Variants in CSMD1 observed in about 807,000 individuals in gnomAD.
CSMD1 encodes the protein CUB and Sushi multiple domains 1, also known as CUB and sushi domain-containing protein 1.
CSMD1 carries 213 observed loss-of-function variants against 417.5 expected under a neutral mutation model. The ratio of observed to expected loss-of-function variants is 0.51; its 90% CI spans 0.46 to 0.57. CSMD1 has a LOEUF of 0.57. Among genes scored for constraint, CSMD1 ranks in the 20% least tolerant of loss-of-function variants. The pLI is 0.00. For synonymous variants in CSMD1, 2,862 were observed against 1,736.8 expected, an observed-to-expected ratio of 1.65 and a Z score of -16.11; for missense variants, 6,923 against 4,529.7, an observed-to-expected ratio of 1.53 and a Z score of -15.17.
intron 11 of CSMD1, among the ~76,000 whole-genome samples, chr8:3,493,409 G>A (rs978322356): frequency 6.6e-6 from 1 of 151,306 alleles, no homozygotes; most frequent in Non-Finnish European, 1.5e-5. Context: ...TTTAATAATT[G>A]AAGAAAAACA....
chr8:4,382,373 G>C (rs147936530), intron 3 of CSMD1, among the ~76,000 whole-genome samples: 3 of 152,306 alleles, frequency 2.0e-5, no homozygotes, highest in African/African-American at 7.2e-5. Context: ...ACATTTCCCA[G>C]ATAATTCCGG....
chr8:4,247,056 A>C (rs563419403), intron 3 of CSMD1, among the ~76,000 whole-genome samples: 39 of 152,200 alleles, frequency 2.6e-4, no homozygotes, highest in Non-Finnish European at 5.7e-4. Flanking sequence ...ATATAAAGTG[A>C]AGAAGACATC....
At chr8:4,438,133 G>T (rs927549450) in intron 2 of CSMD1, among the ~76,000 whole-genome samples, 4 of 152,170 alleles carry the variant, frequency 2.6e-5, no homozygotes, top group South Asian at 2.1e-4. Flanking sequence ...ACTCAGAAAA[G>T]AATTGAGTGT....
rs1168340584 is a variant in CSMD1 at position 3,439,281 on chromosome 8, G to GTATATA, written c.1561+29425_1561+29430dup. Among the ~76,000 whole-genome samples, 116 of 54,312 alleles carry GTATATA rather than the reference G, an allele frequency of 2.1e-3. 2 individuals are homozygous for GTATATA. The highest frequency in any genetic ancestry group is 0.023 in the Middle Eastern group (2 of 88). 35.6% of individuals were successfully genotyped at this position (54,312 alleles called of 152,430 possible). A position where few individuals can be genotyped will look rare whatever the true frequency, so the allele number is the denominator to read the frequency against. On this transcript the variant is annotated intron_variant, in intron 12 of 69. Transcript: ENST00000635120. Reference sequence around the variant, plus strand: ...TATTTGAGAGCATTTGGCAATGTCAGTATATATATATATATATATATATAT... The same window carrying GTATATA: ...TATTTGAGAGCATTTGGCAATGTCAGTATATATATATATATATATATATATATATAT...
intron 7 of CSMD1, among the ~76,000 whole-genome samples, chr8:3,679,907 A>T (rs773757375): frequency 6.6e-6 from 1 of 152,230 alleles, no homozygotes; most frequent in Non-Finnish European, 1.5e-5. Context: ...AACTACTTGG[A>T]AACTGAACAA....
chr8:4,250,732 A>T (rs1307372073), intron 3 of CSMD1, among the ~76,000 whole-genome samples: 4 of 152,190 alleles, frequency 2.6e-5, no homozygotes, highest in Non-Finnish European at 5.9e-5. Flanking sequence ...ATCTAAAGAA[A>T]GTTTGCAAAG....
chr8:3,450,340 T>C (rs1050494701), intron 12 of CSMD1, among the ~76,000 whole-genome samples: 8 of 152,066 alleles, frequency 5.3e-5, no homozygotes, highest in African/African-American at 1.4e-4. Context: ...CTTTCAGTTT[T>C]AGGGTACATG....
intron 23 of CSMD1, among the ~76,000 whole-genome samples, chr8:3,341,035 G>A (rs980026235): frequency 6.6e-6 from 1 of 152,168 alleles, no homozygotes; most frequent in African/African-American, 2.4e-5. Flanking sequence ...ACAAACAGAT[G>A]AATAGATTCA....
At chr8:3,791,594 A>C (rs2720798) in intron 5 of CSMD1, among the ~76,000 whole-genome samples, 151,585 of 152,306 alleles carry the variant, frequency 1, 75,435 homozygotes, top group Middle Eastern at 1. Flanking sequence ...GAGGCCTAGG[A>C]GGGTTGATCA....
chr8:3,933,536 G>T (rs1016873709), intron 5 of CSMD1, among the ~76,000 whole-genome samples: 14 of 152,180 alleles, frequency 9.2e-5, no homozygotes, highest in African/African-American at 3.4e-4. Flanking sequence ...CCTTTGAGAA[G>T]AAAGAGATGA....
intron 2 of CSMD1, among the ~76,000 whole-genome samples, chr8:4,421,422 C>T (rs1317708500): frequency 6.6e-6 from 1 of 152,006 alleles, no homozygotes; most frequent in Non-Finnish European, 1.5e-5. Flanking sequence ...CAAGATAAAC[C>T]ATATTCGAGG....
At chr8:4,301,190 G>A (rs956623499) in intron 3 of CSMD1, among the ~76,000 whole-genome samples, 3 of 152,138 alleles carry the variant, frequency 2.0e-5, no homozygotes, top group African/African-American at 7.2e-5. Flanking sequence ...GCTCTCCTGG[G>A]TAGTGGTCTG....
At chr8:4,935,447 C>A (rs1807549608) in intron 1 of CSMD1, among the ~76,000 whole-genome samples, 1 of 152,198 alleles carries the variant, frequency 6.6e-6, no homozygotes, top group South Asian at 2.1e-4. Flanking sequence ...TTGCAGAAGA[C>A]TAACAGTTAC....
intron 3 of CSMD1, among the ~76,000 whole-genome samples, chr8:4,064,948 T>G (rs999373348): frequency 1.3e-5 from 2 of 152,048 alleles, no homozygotes; most frequent in Admixed American, 6.6e-5. Context: ...AAACCTTACC[T>G]CTAGATTTAA....
intron 2 of CSMD1, among the ~76,000 whole-genome samples, chr8:4,516,361 A>T (rs1803123021): frequency 6.6e-6 from 1 of 152,272 alleles, no homozygotes; most frequent in East Asian, 1.9e-4. Flanking sequence ...TAAGGCATCC[A>T]GTTTGTGGTA....
At chr8:4,498,487 T>C (rs1386927566) in intron 2 of CSMD1, among the ~76,000 whole-genome samples, 1 of 152,196 alleles carries the variant, frequency 6.6e-6, no homozygotes, top group African/African-American at 2.4e-5. Context: ...AAACTTTTAA[T>C]TTTAAAATTG....
chr8:3,342,722 C>G (rs944084867), intron 23 of CSMD1, among the ~76,000 whole-genome samples: 1 of 152,130 alleles, frequency 6.6e-6, no homozygotes, highest in Non-Finnish European at 1.5e-5. Flanking sequence ...CAGCTTCAAT[C>G]CTGGCTCCAC....
intron 4 of CSMD1, among the ~76,000 whole-genome samples, chr8:4,026,608 T>G (rs538817555): frequency 1.1e-3 from 173 of 152,354 alleles, no homozygotes; most frequent in African/African-American, 3.8e-3. Flanking sequence ...CCACTCACAG[T>G]TTTAATGGTG....
rs1222300666 is a variant in CSMD1 at position 3,411,693 on chromosome 8, C to CACAT, written c.1562-2089_1562-2088insATGT. ...ACGTGTATATATACGTGTATATATACACACGTATATATACACGTATATATA... is the reference window on the plus strand; with the variant it reads ...ACGTGTATATATACGTGTATATATACACATACACGTATATATACACGTATATATA... On this transcript the variant is annotated intron_variant, in intron 12 of 69. Transcript: ENST00000635120. 2.3e-5 allele frequency among the ~76,000 whole-genome samples: 3 copies of CACAT among 128,870 alleles called. No individual in the cohort carries two copies. The Admixed American group carries it at 2.4e-4, about 11-fold the overall frequency. The allele number at this position is 128,870 out of a possible 152,430, so 84.5% of individuals were successfully genotyped here.
Sources: allele counts gnomAD v4.1 joint callset (sites outside exome capture counted in the v4.1 genomes callset), GRCh38; gene constraint gnomAD v4.1.1; transcripts MANE v1.5; gene names NCBI Gene and HGNC (gene_info 2026-07-23, HGNC 2026-07-21).